RBFOX1: variants seen among roughly 807,000 people sequenced by gnomAD.
The protein encoded by RBFOX1 is RNA binding protein fox-1 homolog 1.
Under a neutral mutation model 57.7 loss-of-function variants are expected in RBFOX1, and 8 were observed. That is an observed-to-expected ratio of 0.14 (90% CI 0.08 to 0.25). RBFOX1 has a LOEUF of 0.25. Ranked by LOEUF, RBFOX1 falls within the 10% of genes least tolerant of loss-of-function variation. RBFOX1 has a pLI of 1.00. For missense variants in RBFOX1, 611 were observed against 548.5 expected (o/e 1.11, Z -1.14); for synonymous variants, 326 against 222.4 (o/e 1.47, Z -4.15).
At chr16:7,545,504 C>G (rs1053813727) in intron 5 of RBFOX1, among the ~76,000 whole-genome samples, 3 of 152,162 alleles carry the variant, frequency 2.0e-5, no homozygotes, top group Non-Finnish European at 4.4e-5. Context: ...GCAGCCTTCA[C>G]AAGCCGCTAG....
chr16:7,346,399 C>T (rs1420853096), intron 4 of RBFOX1, among the ~76,000 whole-genome samples: 1 of 151,938 alleles, frequency 6.6e-6, no homozygotes, highest in Non-Finnish European at 1.5e-5. Flanking sequence ...GTAGGAGCTT[C>T]ATTAAGGAGC....
At chr16:5,717,779 C>G (rs911360788) in intron 3 of RBFOX1, among the ~76,000 whole-genome samples, 2 of 152,222 alleles carry the variant, frequency 1.3e-5, no homozygotes, top group African/African-American at 2.4e-5. Context: ...AGATTTGGTA[C>G]TATTCGGAGG....
chr16:7,207,114 C>A lies in RBFOX1; in HGVS notation c.27+155016C>A, dbSNP rs999013724. On this transcript the variant is annotated intron_variant, in intron 4 of 15. Coordinates refer to ENST00000550418, the MANE Select transcript of RBFOX1 (RefSeq NM_018723.4). ...TTGGTAACTGAGGCTTCAAATCACC[C>A]CATCCATCTTCATGGCATTTCTTAG... Among the ~76,000 whole-genome samples the A allele has an allele frequency of 2.6e-5, 4 of 152,182 alleles. No individual in the cohort carries two copies. In the East Asian group the frequency reaches 7.7e-4, roughly 29 times the overall value.
chr16:7,363,226 G>T (rs944065837), intron 4 of RBFOX1, among the ~76,000 whole-genome samples: 12 of 152,144 alleles, frequency 7.9e-5, no homozygotes, highest in African/African-American at 2.9e-4. Context: ...CCTGGGGTCT[G>T]GGTTCTTTGT....
chr16:7,569,593 C>T (rs958608412), intron 5 of RBFOX1, among the ~76,000 whole-genome samples: 1 of 152,126 alleles, frequency 6.6e-6, no homozygotes, highest in Non-Finnish European at 1.5e-5. Context: ...TTCTCCATTG[C>T]CATGTAAAGT....
intron 4 of RBFOX1, among the ~76,000 whole-genome samples, chr16:7,083,244 A>T (rs1029529047): frequency 2.0e-5 from 3 of 151,964 alleles, no homozygotes; most frequent in Non-Finnish European, 2.9e-5. Context: ...GAGTACAGGG[A>T]TTGTAACACC....
At chr16:5,979,603 C>T (rs1319733988) in intron 4 of RBFOX1, among the ~76,000 whole-genome samples, 3 of 152,178 alleles carry the variant, frequency 2.0e-5, no homozygotes, top group Non-Finnish European at 4.4e-5. Flanking sequence ...GTGGCTCACG[C>T]CTCTAATCTC....
intron 11 of RBFOX1, among the ~76,000 whole-genome samples, chr16:7,653,546 C>A (rs2065576329): frequency 6.6e-6 from 1 of 152,190 alleles, no homozygotes; most frequent in South Asian, 2.1e-4. Context: ...GTGAGCTTTT[C>A]TCCCGTTATA....
chr16:7,238,849 G>T (rs1448302003), intron 4 of RBFOX1, among the ~76,000 whole-genome samples: 1 of 152,122 alleles, frequency 6.6e-6, no homozygotes, highest in African/African-American at 2.4e-5. Flanking sequence ...GTGTCCACGT[G>T]TTTTTATCAT....
intron 2 of RBFOX1, among the ~76,000 whole-genome samples, chr16:5,475,564 A>G (rs1409386074): frequency 6.6e-6 from 1 of 152,268 alleles, no homozygotes; most frequent in African/African-American, 2.4e-5. Context: ...TAATTTTGAC[A>G]TAGGTATAGT....
At chr16:7,089,249 A>G (rs1028283789) in intron 4 of RBFOX1, among the ~76,000 whole-genome samples, 7 of 152,194 alleles carry the variant, frequency 4.6e-5, no homozygotes, top group Admixed American at 4.6e-4. Context: ...GCGTATCACG[A>G]AAGAGGTATT....
chr16:5,317,205 C>T (rs1464164150), intron 1 of RBFOX1, among the ~76,000 whole-genome samples: 1 of 152,126 alleles, frequency 6.6e-6, no homozygotes, highest in Non-Finnish European at 1.5e-5. Flanking sequence ...TTCTCTCTCT[C>T]TCTCTCTCAA....
At chr16:7,519,523 A>T (rs377046340) in intron 5 of RBFOX1, 1 of 192,372 alleles carries the variant, frequency 5.2e-6, no homozygotes. Flanking sequence ...TGGTGTTTTG[A>T]TCATTAATCA....
chr16:6,933,982 C>T (rs556397523), intron 3 of RBFOX1, among the ~76,000 whole-genome samples: 1 of 152,166 alleles, frequency 6.6e-6, no homozygotes, highest in Non-Finnish European at 1.5e-5. Flanking sequence ...AGTTAATGCT[C>T]ATCCTCTCAG....
At chr16:6,412,170 A>G (rs893529125) in intron 2 of RBFOX1, among the ~76,000 whole-genome samples, 1 of 151,734 alleles carries the variant, frequency 6.6e-6, no homozygotes, top group African/African-American at 2.4e-5. Flanking sequence ...ACAAAAAAAA[A>G]CATGGCCCTT....
At chr16:7,189,597 A>ACACACAC (rs1236934164) in intron 4 of RBFOX1, among the ~76,000 whole-genome samples, 2 of 151,480 alleles carry the variant, frequency 1.3e-5, no homozygotes, top group African/African-American at 4.9e-5. Flanking sequence ...ATACACACAC[A>ACACACAC]AAATAGAGCA....
At chr16:5,663,978 G>A (rs1457981416) in intron 3 of RBFOX1, among the ~76,000 whole-genome samples, 1 of 152,048 alleles carries the variant, frequency 6.6e-6, no homozygotes, top group Non-Finnish European at 1.5e-5. Context: ...CGGCCATGGC[G>A]AAATTCCTCA....
At chr16:5,785,511 T>TTTTCTTTCTTTC (rs369767150) in intron 3 of RBFOX1, among the ~76,000 whole-genome samples, 1 of 151,914 alleles carries the variant, frequency 6.6e-6, no homozygotes, top group South Asian at 2.1e-4. Flanking sequence ...TTCTTTTCTT[T>TTTTCTTTCTTTC]TTTCTTTCTT....
chr16:6,929,969 C>A (rs550124633), intron 3 of RBFOX1, among the ~76,000 whole-genome samples: 2 of 152,168 alleles, frequency 1.3e-5, no homozygotes, highest in Non-Finnish European at 2.9e-5. Flanking sequence ...ATCAGAATGA[C>A]TGGCAAACCT....
Sources: allele counts gnomAD v4.1 joint callset (sites outside exome capture counted in the v4.1 genomes callset), GRCh38; gene constraint gnomAD v4.1.1; transcripts MANE v1.5; gene names NCBI Gene and HGNC (gene_info 2026-07-23, HGNC 2026-07-21).